DDIAS: variants seen among roughly 807,000 people sequenced by gnomAD.
DDIAS encodes DNA damage-induced apoptosis suppressor protein.
In DDIAS, 14 loss-of-function variants were observed where a neutral mutation model predicts 15.7. The observed-to-expected ratio is 0.89, with a 90% CI of 0.59 to 1.39. The LOEUF (loss-of-function observed/expected upper bound fraction) is 1.39, where lower values mean the gene tolerates loss of function less well. Among genes scored for constraint, DDIAS ranks in the 40% most tolerant of loss-of-function variants. DDIAS has a pLI of 0.00. For missense variants in DDIAS, 1,035 were observed against 1,130.9 expected (o/e 0.92, Z 1.22); for synonymous variants, 355 against 395.9 (o/e 0.90, Z 1.23).
intron 3 of DDIAS, among the ~76,000 whole-genome samples, chr11:82,916,707 C>T (rs1382406838): frequency 6.6e-6 from 1 of 152,116 alleles, no homozygotes; most frequent in Non-Finnish European, 1.5e-5. Context: ...GTACAGTAGG[C>T]ACTGTGCTAG....
intron 1 of DDIAS, among the ~76,000 whole-genome samples, chr11:82,909,781 T>C (rs73508444): frequency 0.021 from 3,194 of 152,286 alleles, 132 homozygotes; most frequent in African/African-American, 0.072. Context: ...CTAATGTATA[T>C]ATAAGAGTCC....
chr11:82,918,151 A>T (rs1860668638), intron 3 of DDIAS, among the ~76,000 whole-genome samples: 1 of 152,046 alleles, frequency 6.6e-6, no homozygotes, highest in Non-Finnish European at 1.5e-5. Context: ...AGTCCCAGCT[A>T]TTTGTTTTTA....
chr11:82,913,060 A>G (rs1860557141), intron 1 of DDIAS, among the ~76,000 whole-genome samples: 1 of 152,302 alleles, frequency 6.6e-6, no homozygotes, highest in Admixed American at 6.5e-5. Context: ...CATCAGATAT[A>G]ATAAAAATGA....
At position 82,928,177 on chromosome 11, in the gene DDIAS, C is replaced by CTTTTTTTTTTTTT. The variant is rs541845327; in HGVS notation, c.114-573_114-561dup. 3.2e-4 allele frequency among the ~76,000 whole-genome samples: 11 copies of CTTTTTTTTTTTTT among 34,208 alleles called. 4 individuals are homozygous for CTTTTTTTTTTTTT. Among genetic ancestry groups the CTTTTTTTTTTTTT allele is most frequent in the Admixed American group, 8.8e-4 (2 of 2,282 alleles). 22.4% of individuals were successfully genotyped at this position (34,208 alleles called of 152,430 possible). ...ATATTTTGAGATTATTTTTTGTCCT[C>CTTTTTTTTTTTTT]TTTTTTTTTTTTTTTTTTTTTTTTT... On this transcript the variant is annotated intron_variant, in intron 3 of 5. Coordinates refer to ENST00000533655, the MANE Select transcript of DDIAS (RefSeq NM_145018.4).
intron 1 of DDIAS, among the ~76,000 whole-genome samples, chr11:82,912,388 C>T (rs1051029452): frequency 2.0e-5 from 3 of 152,196 alleles, no homozygotes; most frequent in Non-Finnish European, 2.9e-5. Context: ...TACATCAGCG[C>T]TTGCTGCTTT....
At chr11:82,913,987 A>C in intron 2 of DDIAS, 1 of 429,614 alleles carries the variant, frequency 2.3e-6, no homozygotes, top group Non-Finnish European at 4.6e-6. Flanking sequence ...CCCAGGCTGA[A>C]GTGCCATGGT....
In DDIAS at chr11:82,934,190, T is replaced by C. The variant is rs1475620190; in HGVS notation, c.2852T>C (p.Ile951Thr). 1 of 1,613,990 alleles carries C rather than the reference T, an allele frequency of 6.2e-7. No individual in the cohort carries two copies. Among genetic ancestry groups the C allele is most frequent in the Non-Finnish European group, 8.5e-7 (1 of 1,180,028 alleles). The change falls in exon 6 of 6, where the codon ATT (isoleucine) becomes ACT (threonine). Residue 951 changes from isoleucine (I) to threonine (T), a missense_variant. Physicochemically the swap from Ile to Thr is moderately conservative, Grantham distance 89. Transcript: ENST00000533655. Reference protein sequence around the residue: ...SSGWISKCPDIQVLAAPQLHP... With the variant: ...SSGWISKCPDTQVLAAPQLHP... ...GGCTGGATTTCCAAATGTCCAGACA[T>C]TCAAGTCTTAGCAGCACCTCAGCTG...
intron 5 of DDIAS, among the ~76,000 whole-genome samples, chr11:82,931,510 C>T (rs1011166566): frequency 3.9e-5 from 6 of 152,056 alleles, no homozygotes; most frequent in Non-Finnish European, 7.4e-5. Flanking sequence ...CGCCACCATG[C>T]CCAGCTAATT....
At position 82,932,196 on chromosome 11, in the gene DDIAS, T is replaced by C; in HGVS notation, c.858T>C (p.Ser286=). The change falls in exon 6 of 6, where the codon AGT becomes AGC. Residue 286 remains serine, a synonymous_variant. Coordinates refer to ENST00000533655, the MANE Select transcript of DDIAS (RefSeq NM_145018.4). ...SISIAEATGS[S]SCHDPIQDSW... is the part of the protein sequence containing the mutation. ...CCATTGCAGAGGCCACTGGTTCCAG[T>C]AGCTGCCATGATCCCATTCAGGATT... is the stretch of plus-strand genomic sequence containing the variant. 6.2e-7 allele frequency: 1 copy of C among 1,614,182 alleles called. No homozygotes were observed. The highest frequency in any genetic ancestry group is 8.5e-7 in the Non-Finnish European group (1 of 1,180,014).
In DDIAS at chr11:82,932,337, A is replaced by C; in HGVS notation, c.999A>C (p.Gly333=). Residue 333 remains glycine, a synonymous_variant, in exon 6 of 6, where the codon GGA becomes GGC. Coordinates refer to ENST00000533655, the MANE Select transcript of DDIAS (RefSeq NM_145018.4). ...SAVHSSHHEI[G]VNDSNLFSLE... ...TTCACAGCAGTCATCATGAAATTGGAGTTAATGACTCTAATTTATTCTCTT... is the reference window on the plus strand; with the variant it reads ...TTCACAGCAGTCATCATGAAATTGGCGTTAATGACTCTAATTTATTCTCTT... 1 of 1,614,030 alleles carries C rather than the reference A, an allele frequency of 6.2e-7. No individual in the cohort carries two copies.
chr11:82,914,489 C>T (rs1860591475), intron 2 of DDIAS, among the ~76,000 whole-genome samples: 1 of 152,148 alleles, frequency 6.6e-6, no homozygotes, highest in African/African-American at 2.4e-5. Flanking sequence ...TATTAAGAAA[C>T]AGGATACAAG....
At chr11:82,910,453 T>G (rs1260588825) in intron 1 of DDIAS, among the ~76,000 whole-genome samples, 10 of 151,928 alleles carry the variant, frequency 6.6e-5, no homozygotes, top group African/African-American at 2.4e-4. Flanking sequence ...ATATTTTTGA[T>G]AGAGATGGGG....
chr11:82,919,230 G>T (rs1310589237), intron 3 of DDIAS, among the ~76,000 whole-genome samples: 2 of 152,154 alleles, frequency 1.3e-5, no homozygotes, highest in South Asian at 2.1e-4. Flanking sequence ...TTGGCTGTGG[G>T]TTTGTCATAG....
chr11:82,926,308 C>T (rs908116711), intron 3 of DDIAS, among the ~76,000 whole-genome samples: 22 of 151,906 alleles, frequency 1.4e-4, no homozygotes, highest in Non-Finnish European at 2.5e-4. Flanking sequence ...AGGCTGGACT[C>T]GAACTCCTGA....
In DDIAS at chr11:82,932,352, T is replaced by G. The variant is rs559104479; in HGVS notation, c.1014T>G (p.Asn338Lys). The G allele has an allele frequency of 5.1e-5, 83 of 1,614,038 alleles. No homozygotes were observed. In the South Asian group the frequency reaches 8.6e-4, roughly 17 times the overall value. Residue 338 changes from asparagine (N) to lysine (K), a missense_variant, in exon 6 of 6, where the codon AAT becomes AAG. Transcript: ENST00000533655. ...SHHEIGVNDSNLFSLEMREPL... is the reference protein window; with the variant it reads ...SHHEIGVNDSKLFSLEMREPL... Reference sequence around the variant, plus strand: ...ATGAAATTGGAGTTAATGACTCTAATTTATTCTCTTTGGAAATGCGAGAGC... The same window carrying G: ...ATGAAATTGGAGTTAATGACTCTAAGTTATTCTCTTTGGAAATGCGAGAGC...
intron 1 of DDIAS, among the ~76,000 whole-genome samples, chr11:82,909,016 A>G (rs1472658434): frequency 2.0e-5 from 3 of 152,222 alleles, no homozygotes; most frequent in Non-Finnish European, 4.4e-5. Context: ...AGTAGTCCCA[A>G]TTCAGACCCC....
chr11:82,933,580 T>C lies in DDIAS; in HGVS notation c.2242T>C (p.Cys748Arg). ...ATCTGACTCTAGGCATTCAAGAACA[T>C]GCTCTCCAACACCTCATTTTCAATC... ...SLSDSRHSRT[C>R]SPTPHFQSDS... The change falls in exon 6 of 6, where the codon TGC becomes CGC. Residue 748 changes from cysteine (C) to arginine (R), a missense_variant. Physicochemically the swap from Cys to Arg is radical, Grantham distance 180. Transcript: ENST00000533655. 1.2e-6 allele frequency: 2 copies of C among 1,614,048 alleles called. No individual in the cohort carries two copies. Among genetic ancestry groups the C allele is most frequent in the Non-Finnish European group, 1.7e-6 (2 of 1,179,964 alleles).
intron 1 of DDIAS, among the ~76,000 whole-genome samples, chr11:82,912,943 G>A (rs968140694): frequency 6.6e-6 from 1 of 152,116 alleles, no homozygotes; most frequent in African/African-American, 2.4e-5. Context: ...AGATGGTGGG[G>A]CAGTCAGACA....
At chr11:82,921,921 C>G (rs577784961) in intron 3 of DDIAS, among the ~76,000 whole-genome samples, 1 of 152,122 alleles carries the variant, frequency 6.6e-6, no homozygotes, top group African/African-American at 2.4e-5. Flanking sequence ...CAGATTCTCT[C>G]AGCATTTGTT....
Sources: allele counts gnomAD v4.1 joint callset (sites outside exome capture counted in the v4.1 genomes callset), GRCh38; gene constraint gnomAD v4.1.1; transcripts MANE v1.5; gene names NCBI Gene and HGNC (gene_info 2026-07-23, HGNC 2026-07-21).